CEBPZ: variants seen among roughly 807,000 people sequenced by gnomAD.
The protein encoded by CEBPZ is CCAAT/enhancer-binding protein zeta.
A neutral mutation model predicts 104.5 loss-of-function variants in CEBPZ; 78 were observed. That is an observed-to-expected ratio of 0.75 (90% CI 0.62 to 0.90). The LOEUF is 0.90. Ranked by LOEUF, CEBPZ falls within the 40% of genes least tolerant of loss-of-function variation. The pLI is 0.00. For missense variants in CEBPZ, 1,439 were observed against 1,233.5 expected, an observed-to-expected ratio of 1.17 and a Z score of -2.50; for synonymous variants, 470 against 427.0, an observed-to-expected ratio of 1.10 and a Z score of -1.24.
At chr2:37,215,069 G>C in intron 8 of CEBPZ, 117 bp from the exon 9 acceptor site, 1 of 704,918 alleles carries the variant, frequency 1.4e-6, no homozygotes. Context: ...AATTGTGTGG[G>C]AAGGTAGACA....
chr2:37,211,700 G>T, intron 12 of CEBPZ, 143 bp downstream of exon 12: 1 of 599,568 alleles, frequency 1.7e-6, no homozygotes, highest in South Asian at 2.8e-5. Context: ...AAACGAGAAG[G>T]GAAAAGGTCC....
chr2:37,204,810 A>G (rs373738537), intron 13 of CEBPZ: 36 of 152,340 alleles, frequency 2.4e-4, no homozygotes, highest in African/African-American at 7.9e-4. Flanking sequence ...ACTATTATCA[A>G]TTGAGATCTG....
intron 6 of CEBPZ, 49 bp downstream of exon 6, chr2:37,216,930 CTAAAA>C (rs1558473517): frequency 2.1e-6 from 3 of 1,404,470 alleles, no homozygotes; most frequent in Non-Finnish European, 3.0e-6. Context: ...TATTGATTAT[CTAAAA>C]TGATACTTTT....
At chr2:37,207,300 G>A (rs1677572016) in intron 13 of CEBPZ, among the ~76,000 whole-genome samples, 1 of 152,058 alleles carries the variant, frequency 6.6e-6, no homozygotes, top group Admixed American at 6.5e-5. Context: ...TAGAACAAAT[G>A]GACTTAACAG....
Position 37,231,588 on chromosome 2 carries a change from G to T in CEBPZ, c.-21C>A, listed in dbSNP as rs371592598. Reference sequence around the variant, plus strand: ...GCCATGGCGGGCAAAGCATACGCGCGTGAAACTCAGCCTATTTCCGCTCTG... The same window carrying T: ...GCCATGGCGGGCAAAGCATACGCGCTTGAAACTCAGCCTATTTCCGCTCTG... On this transcript the variant is annotated 5_prime_UTR_variant, in exon 1 of 16. Coordinates refer to ENST00000234170, the MANE Select transcript of CEBPZ (RefSeq NM_005760.3). 12 of 1,614,104 alleles carry T rather than the reference G, an allele frequency of 7.4e-6. No individual in the cohort carries two copies. In the African/African-American group the frequency reaches 1.5e-4, roughly 20 times the overall value.
chr2:37,214,840 T>A, intron 9 of CEBPZ, 46 bp downstream of exon 9: 1 of 1,233,724 alleles, frequency 8.1e-7, no homozygotes, highest in Non-Finnish European at 1.2e-6. Flanking sequence ...TCTAAAAATT[T>A]AAATTTTAGC....
At position 37,227,877 on chromosome 2, in the gene CEBPZ, T is replaced by C; in HGVS notation, c.1316A>G (p.Tyr439Cys). The change falls in exon 2 of 16, where the codon TAT becomes TGT. Residue 439 changes from tyrosine (Y) to cysteine (C), a missense_variant. Physicochemically the swap from Tyr to Cys is radical, Grantham distance 194 (BLOSUM62 -2). Coordinates refer to ENST00000234170, the MANE Select transcript of CEBPZ (RefSeq NM_005760.3). ...FRSNISSKAQYYAICFLNQMA... is the reference protein window; with the variant it reads ...FRSNISSKAQCYAICFLNQMA... ...TTGATTTAAAAAGCAAATTGCATAA[T>C]ATTGAGCTTTGGAGCTGATATTTGA... 6.2e-7 allele frequency: 1 copy of C among 1,614,180 alleles called. No individual in the cohort carries two copies. The highest frequency in any genetic ancestry group is 8.5e-7 in the Non-Finnish European group (1 of 1,180,032).
At chr2:37,209,260 CCAT>C (rs1157780892) in intron 13 of CEBPZ, 1 of 152,060 alleles carries the variant, frequency 6.6e-6, no homozygotes, top group Non-Finnish European at 1.5e-5. Flanking sequence ...CATCAAAATG[CCAT>C]CATCATTCTT....
chr2:37,214,007 A>C, intron 9 of CEBPZ, 46 bp from the exon 10 acceptor site: 1 of 1,045,160 alleles, frequency 9.6e-7, no homozygotes, highest in Non-Finnish European at 1.3e-6. Flanking sequence ...TAAAGGTCTA[A>C]TCTTACTATA....
intron 13 of CEBPZ, 59 bp downstream of exon 13, chr2:37,210,940 G>T (rs1572497597): frequency 4.6e-5 from 52 of 1,132,002 alleles, no homozygotes; most frequent in Middle Eastern, 2.1e-4. Flanking sequence ...TTCCCAAAAT[G>T]ATAATGACAC....
intron 13 of CEBPZ, chr2:37,204,826 C>G (rs927429066): frequency 1.3e-5 from 2 of 152,158 alleles, no homozygotes; most frequent in African/African-American, 4.8e-5. Flanking sequence ...ATCTGAAATC[C>G]TTTCAGGCTA....
intron 15 of CEBPZ, chr2:37,202,222 T>G: frequency 5.0e-6 from 1 of 198,626 alleles, no homozygotes; most frequent in Non-Finnish European, 1.0e-5. Context: ...AAAAAAGTAA[T>G]TTTTGTAGTC....
At chr2:37,202,206 C>A (rs4670187) in intron 15 of CEBPZ, 9,756 of 210,752 alleles carry the variant, frequency 0.046, 1,051 homozygotes, top group East Asian at 0.35. Context: ...CGGCCCACTT[C>A]CCTAAAAAAA....
intron 6 of CEBPZ, 149 bp downstream of exon 6, chr2:37,216,835 C>A: frequency 1.5e-6 from 1 of 664,724 alleles, no homozygotes; most frequent in Non-Finnish European, 2.6e-6. Context: ...ATCTGCTACT[C>A]TGTATGAAAC....
intron 13 of CEBPZ, chr2:37,209,726 TAA>T (rs1423713820): frequency 2.0e-5 from 3 of 152,266 alleles, no homozygotes; most frequent in East Asian, 3.9e-4. Flanking sequence ...GACATTGGCT[TAA>T]GTAGAGTTCA....
Position 37,231,556 on chromosome 2 carries a change from G to C in CEBPZ, c.12C>G (p.Val4=). MAA[V]KEPLEFHAKR... Reference sequence around the variant, plus strand: ...TGGCATGGAACTCCAAAGGCTCCTTGACTGCGGCCATGGCGGGCAAAGCAT... The same window carrying C: ...TGGCATGGAACTCCAAAGGCTCCTTCACTGCGGCCATGGCGGGCAAAGCAT... The change falls in exon 1 of 16, where the codon GTC becomes GTG. Residue 4 remains valine, a synonymous_variant. Transcript: ENST00000234170. 1.2e-6 allele frequency: 2 copies of C among 1,614,220 alleles called. No homozygotes were observed. The highest frequency in any genetic ancestry group is 1.7e-6 in the Non-Finnish European group (2 of 1,180,042).
At position 37,216,443 on chromosome 2, in the gene CEBPZ, A is replaced by T. The variant is rs115538568; in HGVS notation, c.2209-25T>A. 2,511 of 1,504,008 alleles carry T rather than the reference A, an allele frequency of 1.7e-3. 44 individuals are homozygous for T. The African/African-American group carries it at 0.031, about 19-fold the overall frequency. 93.2% of individuals were successfully genotyped at this position (1,504,008 alleles called of 1,614,324 possible). ...CCTGAAAAGTGGAGCGGGGATTTAA[A>T]AACTTAATTCAAATTATGTCTATGA... On this transcript the variant is annotated intron_variant, in intron 6 of 15. Coordinates refer to ENST00000234170, the MANE Select transcript of CEBPZ (RefSeq NM_005760.3).
Position 37,228,415 on chromosome 2 carries a change from C to A in CEBPZ, c.778G>T (p.Val260Phe). ...AMILLIQDDAVHTLQFVETLV... is the reference protein window; with the variant it reads ...AMILLIQDDAFHTLQFVETLV... Reference sequence around the variant, plus strand: ...GTTTCTACAAACTGAAGTGTGTGAACGGCATCATCCTGAATAAGAAGAATC... The same window carrying A: ...GTTTCTACAAACTGAAGTGTGTGAAAGGCATCATCCTGAATAAGAAGAATC... Residue 260 changes from valine to phenylalanine, a missense_variant, in exon 2 of 16, where the codon GTT becomes TTT. Coordinates refer to ENST00000234170, the MANE Select transcript of CEBPZ (RefSeq NM_005760.3). 1 of 1,614,212 alleles carries A rather than the reference C, an allele frequency of 6.2e-7. No individual in the cohort carries two copies. Among genetic ancestry groups the A allele is most frequent in the Admixed American group, 1.7e-5 (1 of 60,018 alleles).
chr2:37,228,406 G>C lies in CEBPZ; in HGVS notation c.787C>G (p.Leu263Val). The change falls in exon 2 of 16, where the codon CTT becomes GTT. Residue 263 changes from leucine (L) to valine (V), a missense_variant. Transcript: ENST00000234170. ...LLIQDDAVHT[L>V]QFVETLVNLV... ...TTCACAAGAGTTTCTACAAACTGAAGTGTGTGAACGGCATCATCCTGAATA... is the reference window on the plus strand; with the variant it reads ...TTCACAAGAGTTTCTACAAACTGAACTGTGTGAACGGCATCATCCTGAATA... The C allele has an allele frequency of 6.2e-7, 1 of 1,614,216 alleles. No individual in the cohort carries two copies. The highest frequency in any genetic ancestry group is 8.5e-7 in the Non-Finnish European group (1 of 1,180,036).
Sources: allele counts gnomAD v4.1 joint callset (sites outside exome capture counted in the v4.1 genomes callset), GRCh38; gene constraint gnomAD v4.1.1; transcripts MANE v1.5; gene names NCBI Gene and HGNC (gene_info 2026-07-23, HGNC 2026-07-21).